NTAQ1: variants seen among roughly 807,000 people sequenced by gnomAD.
NTAQ1 encodes N-terminal glutamine amidase 1.
NTAQ1 carries 21 observed loss-of-function variants against 28.2 expected under a neutral mutation model. The ratio of observed to expected loss-of-function variants is 0.74; its 90% confidence interval spans 0.53 to 1.07. The LOEUF (loss-of-function observed/expected upper bound fraction) is 1.07. Among genes scored for constraint, NTAQ1 ranks in the 50% least tolerant of loss-of-function variants. NTAQ1 has a pLI of 0.00. For synonymous variants in NTAQ1, 105 were observed against 90.0 expected, an observed-to-expected ratio of 1.17 and a Z score of -0.94; for missense variants, 264 against 256.6, an observed-to-expected ratio of 1.03 and a Z score of -0.20.
rs199614153 is a variant in NTAQ1, at chr8:123,441,425, C to T, written c.*10C>T. The T allele has an allele frequency of 9.2e-5, 147 of 1,594,130 alleles. No homozygotes were observed. Among genetic ancestry groups the T allele is most frequent in the Middle Eastern group, 3.3e-4 (2 of 6,024 alleles). The stretch of plus-strand genomic sequence containing the variant: ...CAGTAAAAACTGCTGAACTTGGTCT[C>T]AAGATGTGGAACTGTGGAGAAATTC... On this transcript the variant is annotated 3_prime_UTR_variant, in exon 6 of 6. Coordinates refer to ENST00000287387, the MANE Select transcript of NTAQ1 (RefSeq NM_018024.3).
chr8:123,436,452 G>A lies in NTAQ1; in HGVS notation c.235-1G>A. On this transcript the variant is annotated splice_acceptor_variant, in intron 3 of 5. Coordinates refer to ENST00000287387, the MANE Select transcript of NTAQ1 (RefSeq NM_018024.3). LOFTEE classifies it high-confidence loss of function. ...TTAACTTCAGCAACTTTTACTTTTA[G>A]GATTACCATGTTGTTTTGCTTCATG... The A allele has an allele frequency of 6.2e-7, 1 of 1,611,884 alleles. No individual in the cohort carries two copies. The highest frequency in any genetic ancestry group is 8.5e-7 in the Non-Finnish European group (1 of 1,179,226).
Position 123,440,146 on chromosome 8 carries a change from C to CTTTTTTTTTTTTTTT in NTAQ1, c.509-1147_509-1133dup, listed in dbSNP as rs577877415. On this transcript the variant is annotated intron_variant, in intron 5 of 5. Coordinates refer to ENST00000287387, the MANE Select transcript of NTAQ1 (RefSeq NM_018024.3). ...CCACCACGCTGGCCAGGATTAACTCCTTTTTTTTTTTTTTTTTTTTTTTTT... is the reference window on the plus strand; with the variant it reads ...CCACCACGCTGGCCAGGATTAACTCCTTTTTTTTTTTTTTTTTTTTTTTTTTTTTTTTTTTTTTTT... 1.1e-4 allele frequency among the ~76,000 whole-genome samples: 6 copies of CTTTTTTTTTTTTTTT among 56,542 alleles called. 1 individual carries two copies. Among genetic ancestry groups the CTTTTTTTTTTTTTTT allele is most frequent in the African/African-American group, 3.8e-4 (5 of 13,254 alleles). 37.1% of individuals were successfully genotyped at this position (56,542 alleles called of 152,430 possible). A position where few individuals can be genotyped will look rare whatever the true frequency, so the allele number is the denominator to read the frequency against.
At chr8:123,474,005 GTTA>G (rs1816067393), downstream of NTAQ1, among the ~76,000 whole-genome samples, 1 of 151,974 alleles carries the variant, frequency 6.6e-6, no homozygotes, top group Non-Finnish European at 1.5e-5. Flanking sequence ...GAACATATTT[GTTA>G]TTTTAAAAAT....
chr8:123,444,674 T>G (rs1438344550), downstream of NTAQ1, among the ~76,000 whole-genome samples: 1 of 152,184 alleles, frequency 6.6e-6, no homozygotes, highest in African/African-American at 2.4e-5. Context: ...GCCCAGCTAA[T>G]TTCTTTTTAT....
At chr8:123,469,556 C>A (rs1816021910) in exon 7 of NTAQ1, among the ~76,000 whole-genome samples, 1 of 152,150 alleles carries the variant, frequency 6.6e-6, no homozygotes, top group South Asian at 2.1e-4. Flanking sequence ...TAACAGAATT[C>A]TTCTTTTATA....
At chr8:123,422,735 T>C (rs923736381) in intron 1 of NTAQ1, among the ~76,000 whole-genome samples, 8 of 151,462 alleles carry the variant, frequency 5.3e-5, no homozygotes, top group African/African-American at 1.9e-4. Flanking sequence ...ATGTCTGGAG[T>C]GGTATTTCCT....
intron 6 of NTAQ1, among the ~76,000 whole-genome samples, chr8:123,458,475 G>C (rs1815719967): frequency 6.6e-6 from 1 of 152,076 alleles, no homozygotes; most frequent in Admixed American, 6.5e-5. Flanking sequence ...GTAGCTGTCT[G>C]TGTGCTGGTC....
rs114510505 is a variant in NTAQ1, at chr8:123,462,509, C to A, written c.373-4570C>A. On this transcript the variant is annotated intron_variant, in intron 6 of 6. Coordinates refer to the NTAQ1 transcript ENST00000650311. ...TTCTAAGGCACTCTCTTAGAAGCCTCCTCAAAAAGAAGGAGATGATAATAA... is the reference window on the plus strand; with the variant it reads ...TTCTAAGGCACTCTCTTAGAAGCCTACTCAAAAAGAAGGAGATGATAATAA... 1.4e-4 allele frequency among the ~76,000 whole-genome samples: 21 copies of A among 152,068 alleles called. 1 individual carries two copies. Among genetic ancestry groups the A allele is most frequent in the Admixed American group, 1.4e-3 (21 of 15,258 alleles).
chr8:123,427,926 A>G lies in NTAQ1; in HGVS notation c.86A>G (p.Glu29Gly). 6.3e-7 allele frequency: 1 copy of G among 1,591,052 alleles called. No homozygotes were observed. The highest frequency in any genetic ancestry group is 8.6e-7 in the Non-Finnish European group (1 of 1,168,216). Reference protein sequence around the residue: ...DACVYSSCYCEENIWKLCEYI... With the variant: ...DACVYSSCYCGENIWKLCEYI... ...ATTAAACAATTATTTTATTTCAGTGAAGAAAATATTTGGAAGCTCTGTGAA... is the reference window on the plus strand; with the variant it reads ...ATTAAACAATTATTTTATTTCAGTGGAGAAAATATTTGGAAGCTCTGTGAA... The change falls in exon 2 of 6, where the codon GAA (glutamate) becomes GGA (glycine). Residue 29 changes from glutamate to glycine, a missense_variant and splice_region_variant. Coordinates refer to ENST00000287387, the MANE Select transcript of NTAQ1 (RefSeq NM_018024.3).
downstream of NTAQ1, among the ~76,000 whole-genome samples, chr8:123,473,298 C>CT (rs112065412): frequency 0.21 from 29,753 of 140,056 alleles, 3,249 homozygotes; most frequent in Non-Finnish European, 0.26. Flanking sequence ...TCTTGAAATT[C>CT]TTTTTTTTTT....
intron 6 of NTAQ1, among the ~76,000 whole-genome samples, chr8:123,456,353 C>T (rs570817638): frequency 1.3e-5 from 2 of 152,286 alleles, no homozygotes; most frequent in African/African-American, 4.8e-5. Flanking sequence ...GATCTTGGCT[C>T]ACTGCAGCCT....
chr8:123,465,028 A>C (rs1220326100), intron 6 of NTAQ1, among the ~76,000 whole-genome samples: 1 of 152,140 alleles, frequency 6.6e-6, no homozygotes, highest in African/African-American at 2.4e-5. Context: ...ACAGAGACAG[A>C]TTCTGTCTCA....
chr8:123,444,182 T>C (rs1815184085), downstream of NTAQ1, among the ~76,000 whole-genome samples: 1 of 152,170 alleles, frequency 6.6e-6, no homozygotes, highest in Non-Finnish European at 1.5e-5. Flanking sequence ...AGCAGGGGAC[T>C]AAAGTAGAAT....
chr8:123,441,660 TACAACACGA>T lies in NTAQ1; in HGVS notation c.*246_*254del, dbSNP rs967369818. 18 of 491,736 alleles carry T rather than the reference TACAACACGA, an allele frequency of 3.7e-5. No homozygotes were observed. Among genetic ancestry groups the T allele is most frequent in the African/African-American group, 2.3e-4 (12 of 51,980 alleles). The allele number at this position is 491,736 out of a possible 1,614,324, so 30.5% of individuals were successfully genotyped here. A position where few individuals can be genotyped will look rare whatever the true frequency, so the allele number is the denominator to read the frequency against. On this transcript the variant is annotated 3_prime_UTR_variant, in exon 6 of 6. Coordinates refer to ENST00000287387, the MANE Select transcript of NTAQ1 (RefSeq NM_018024.3). ...TAAGATATTCCTGTGGCTCATGCGT[TACAACACGA>T]GGACTTAAGCCAGTAATCGTTTTTG...
chr8:123,417,159 T>C (rs747563642), intron 1 of NTAQ1, among the ~76,000 whole-genome samples: 1 of 152,216 alleles, frequency 6.6e-6, no homozygotes, highest in Non-Finnish European at 1.5e-5. Context: ...GGGTCGATAG[T>C]GCATTACCTG....
intron 6 of NTAQ1, among the ~76,000 whole-genome samples, chr8:123,458,722 A>T (rs146227428): frequency 0.011 from 1,644 of 150,462 alleles, 33 homozygotes; most frequent in African/African-American, 0.038. Flanking sequence ...CCTGGGTCAC[A>T]CCATTCTCCT....
chr8:123,443,080 C>T (rs903690126), downstream of NTAQ1, among the ~76,000 whole-genome samples: 31 of 151,814 alleles, frequency 2.0e-4, no homozygotes, highest in Non-Finnish European at 3.1e-4. Context: ...AGTGCAGTGG[C>T]ATGATCTCGG....
chr8:123,467,140 G>C (rs998391643), exon 7 of NTAQ1: 2 of 151,600 alleles, frequency 1.3e-5, no homozygotes, highest in Admixed American at 1.3e-4. Flanking sequence ...CCGCCTCCTG[G>C]GTTCAAGTGA....
chr8:123,433,404 T>C (rs1000928611), intron 3 of NTAQ1, among the ~76,000 whole-genome samples: 8 of 152,158 alleles, frequency 5.3e-5, no homozygotes, highest in Non-Finnish European at 8.8e-5. Flanking sequence ...GCCATTGGGC[T>C]CCTGTCCTCT....
Sources: gnomAD v4.1 joint callset for allele counts (sites outside exome capture counted in the v4.1 genomes callset) on GRCh38, gnomAD v4.1.1 for gene constraint, MANE v1.5 for transcripts, NCBI Gene and HGNC (gene_info 2026-07-23, HGNC 2026-07-21) for gene names.